The following HTN1 variants were observed in gnomAD, a reference collection of about 807,000 sequenced individuals.
The protein encoded by HTN1 is histatin-1.
In HTN1, 18 loss-of-function variants were observed where a neutral mutation model predicts 11.2. That is an observed-to-expected ratio of 1.61 (90% confidence interval 1.12 to 2.39). The LOEUF (loss-of-function observed/expected upper bound fraction) is 2.39, where lower values mean the gene tolerates loss of function less well. Ranked by LOEUF, HTN1 falls within the 30% of genes most tolerant of loss-of-function variation. HTN1 has a pLI of 0.00. For synonymous variants in HTN1, 21 were observed against 20.5 expected (o/e 1.02, Z -0.07); for missense variants, 80 against 67.2 (o/e 1.19, Z -0.67).
chr4:70,055,810 T>C, intron 5 of HTN1: 1 of 396,060 alleles, frequency 2.5e-6, no homozygotes, highest in South Asian at 3.2e-5. Context: ...CTGTATGTTG[T>C]TTTGGTACTG....
intron 2 of HTN1, among the ~76,000 whole-genome samples, chr4:70,053,875 C>T (rs548294988): frequency 9.2e-5 from 14 of 152,108 alleles, no homozygotes; most frequent in South Asian, 6.2e-4. Context: ...CAGTTTATCA[C>T]GTGATTTTAT....
At chr4:70,050,777 T>C (rs552047203) in intron 1 of HTN1, among the ~76,000 whole-genome samples, 1 of 152,148 alleles carries the variant, frequency 6.6e-6, no homozygotes, top group Non-Finnish European at 1.5e-5. Context: ...TTTACTTTCT[T>C]ATTTTACTTT....
At chr4:70,052,962 G>A in intron 1 of HTN1, 102 bp from the exon 2 acceptor site, 1 of 741,636 alleles carries the variant, frequency 1.3e-6, no homozygotes, top group Admixed American at 2.0e-5. Context: ...GGAAAACAGA[G>A]CATGTCTCCC....
In HTN1 at chr4:70,058,840, A is replaced by G. The variant is rs1161060508; in HGVS notation, c.*294A>G. The stretch of plus-strand genomic sequence containing the variant: ...TCTCCAAAAGCAATAAATTTCTAGC[A>G]CATTATTATGTGTATGCTCTTTATT... On this transcript the variant is annotated 3_prime_UTR_variant, in exon 6 of 6. Coordinates refer to ENST00000246896, the MANE Select transcript of HTN1 (RefSeq NM_002159.4). The G allele has an allele frequency of 6.6e-6, 1 of 152,224 alleles. No homozygotes were observed. The highest frequency in any genetic ancestry group is 1.9e-4 in the East Asian group (1 of 5,202). The allele number at this position is 152,224 out of a possible 1,614,324, so 9.4% of individuals were successfully genotyped here. A position where few individuals can be genotyped will look rare whatever the true frequency, so the allele number is the denominator to read the frequency against.
chr4:70,054,431 G>A lies in HTN1; in HGVS notation c.83G>A (p.Gly28Glu), dbSNP rs772229278. 4.0e-6 allele frequency: 6 copies of A among 1,517,018 alleles called. No individual in the cohort carries two copies. The highest frequency in any genetic ancestry group is 5.4e-6 in the Non-Finnish European group (6 of 1,103,108). The allele number at this position is 1,517,018 out of a possible 1,614,324, so 94.0% of individuals were successfully genotyped here. The change falls in exon 4 of 6, where the codon GGG becomes GAG. Residue 28 changes from glycine to glutamate, a missense_variant. Gly to Glu is a moderately conservative substitution (Grantham distance 98). Coordinates refer to ENST00000246896, the MANE Select transcript of HTN1 (RefSeq NM_002159.4). ...CTTTTTATTTCATAGAGACATCATG[G>A]GTATAGAAGAAAATTCCATGTAAGT... ...SADSHEKRHH[G>E]YRRKFHEKHH...
At chr4:70,050,881 G>T (rs929928840) in intron 1 of HTN1, among the ~76,000 whole-genome samples, 1 of 152,120 alleles carries the variant, frequency 6.6e-6, no homozygotes, top group Non-Finnish European at 1.5e-5. Context: ...CATCATCTAG[G>T]TTTTAAGCCC....
chr4:70,058,081 G>T (rs993037367), intron 5 of HTN1: 3 of 152,066 alleles, frequency 2.0e-5, no homozygotes, highest in African/African-American at 7.2e-5. Flanking sequence ...GCAATATTTT[G>T]GAGATAACAG....
chr4:70,053,440 C>T (rs1304225550), intron 2 of HTN1, among the ~76,000 whole-genome samples: 2 of 152,056 alleles, frequency 1.3e-5, no homozygotes, highest in Non-Finnish European at 2.9e-5. Context: ...AAGCTCTAGA[C>T]CATCTGAAGT....
At chr4:70,052,371 G>A (rs1255565320) in intron 1 of HTN1, among the ~76,000 whole-genome samples, 1 of 152,066 alleles carries the variant, frequency 6.6e-6, no homozygotes, top group African/African-American at 2.4e-5. Flanking sequence ...CATTCTTAAT[G>A]TCATTATATA....
chr4:70,055,491 T>C lies in HTN1; in HGVS notation c.103-7T>C. 1 of 1,575,572 alleles carries C rather than the reference T, an allele frequency of 6.3e-7. No homozygotes were observed. Among genetic ancestry groups the C allele is most frequent in the East Asian group, 2.2e-5 (1 of 44,518 alleles). ...GCAATTTGCTCTCTCCTTTTGTGTG[T>C]ATGCAGGAAAAGCATCATTCACATC... On this transcript the variant is annotated splice_region_variant and splice_polypyrimidine_tract_variant and intron_variant, in intron 4 of 5. Transcript: ENST00000246896.
rs576713332 is a variant in HTN1, at chr4:70,058,587, T to C, written c.*41T>C. Reference sequence around the variant, plus strand: ...TTTTCTTTTTCTTCACAGGTTTGACTGGCAAATTCACTTTTTACTCATTTA... The same window carrying C: ...TTTTCTTTTTCTTCACAGGTTTGACCGGCAAATTCACTTTTTACTCATTTA... On this transcript the variant is annotated 3_prime_UTR_variant, in exon 6 of 6. Transcript: ENST00000246896. 2.0e-5 allele frequency: 3 copies of C among 152,270 alleles called. No homozygotes were observed. The South Asian group carries it at 6.2e-4, about 32-fold the overall frequency. 9.4% of individuals were successfully genotyped at this position (152,270 alleles called of 1,614,324 possible). A position where few individuals can be genotyped will look rare whatever the true frequency, so the allele number is the denominator to read the frequency against.
intron 5 of HTN1, chr4:70,057,490 A>G (rs1238209035): frequency 1.3e-5 from 2 of 152,194 alleles, no homozygotes; most frequent in African/African-American, 2.4e-5. Context: ...TATGTATTCT[A>G]GAACTTAAAG....
rs1726108303 is a variant in HTN1, at chr4:70,058,815, TC to T, written c.*270del. 1 of 152,190 alleles carries T rather than the reference TC, an allele frequency of 6.6e-6. No homozygotes were observed. The highest frequency in any genetic ancestry group is 1.9e-4 in the East Asian group (1 of 5,198). The allele number at this position is 152,190 out of a possible 1,614,324, so 9.4% of individuals were successfully genotyped here. A position where few individuals can be genotyped will look rare whatever the true frequency, so the allele number is the denominator to read the frequency against. On this transcript the variant is annotated 3_prime_UTR_variant, in exon 6 of 6. Coordinates refer to ENST00000246896, the MANE Select transcript of HTN1 (RefSeq NM_002159.4). Reference sequence around the variant, plus strand: ...TTTCTGAGTAATAGAAATTCATTCCTCTCCAAAAGCAATAAATTTCTAGCAC... The same window carrying T: ...TTTCTGAGTAATAGAAATTCATTCCTTCCAAAAGCAATAAATTTCTAGCAC...
intron 1 of HTN1, among the ~76,000 whole-genome samples, chr4:70,051,146 T>A (rs1725881476): frequency 6.6e-6 from 1 of 152,206 alleles, no homozygotes; most frequent in Non-Finnish European, 1.5e-5. Context: ...AACCAGGAGT[T>A]CAAATTTTAC....
Position 70,055,493 on chromosome 4 carries a change from TG to T in HTN1, c.103-4del, listed in dbSNP as rs1160876802. The T allele has an allele frequency of 6.3e-7, 1 of 1,580,896 alleles. No individual in the cohort carries two copies. The highest frequency in any genetic ancestry group is 8.7e-7 in the Non-Finnish European group (1 of 1,150,732). The stretch of plus-strand genomic sequence containing the variant: ...AATTTGCTCTCTCCTTTTGTGTGTA[TG>T]CAGGAAAAGCATCATTCACATCGAG... On this transcript the variant is annotated splice_polypyrimidine_tract_variant and splice_region_variant and intron_variant, in intron 4 of 5. Transcript: ENST00000246896.
chr4:70,050,625 CTAAA>C (rs1405255312), intron 1 of HTN1, 130 bp downstream of exon 1: 2 of 151,890 alleles, frequency 1.3e-5, no homozygotes, highest in Non-Finnish European at 2.9e-5. Context: ...GCGTATTTGC[CTAAA>C]TAAATAATTT....
intron 1 of HTN1, chr4:70,052,734 A>G (rs1725924332): frequency 1.0e-5 from 2 of 195,962 alleles, no homozygotes; most frequent in South Asian, 1.2e-4. Context: ...GAAGATTCCT[A>G]GAGCCCAGGA....
intron 2 of HTN1, among the ~76,000 whole-genome samples, chr4:70,053,430 A>C: frequency 6.6e-6 from 1 of 152,178 alleles, no homozygotes; most frequent in Admixed American, 6.5e-5. Flanking sequence ...TAAATGTGAA[A>C]AGCTCTAGAC....
Position 70,055,622 on chromosome 4 carries a change from T to C in HTN1, c.*33+20T>C. ...ATAGAGGTAAGCTGACTCTAGTTGC[T>C]TGTCTTTCTAGAAGTGTCAACACTG... On this transcript the variant is annotated intron_variant, in intron 5 of 5. Coordinates refer to ENST00000246896, the MANE Select transcript of HTN1 (RefSeq NM_002159.4). 1 of 1,082,138 alleles carries C rather than the reference T, an allele frequency of 9.2e-7. No homozygotes were observed. Among genetic ancestry groups the C allele is most frequent in the Non-Finnish European group, 1.4e-6 (1 of 710,272 alleles). The allele number at this position is 1,082,138 out of a possible 1,614,324, so 67.0% of individuals were successfully genotyped here. A position where few individuals can be genotyped will look rare whatever the true frequency, so the allele number is the denominator to read the frequency against.
Sources: allele counts gnomAD v4.1 joint callset (sites outside exome capture counted in the v4.1 genomes callset), GRCh38; gene constraint gnomAD v4.1.1; transcripts MANE v1.5; gene names NCBI Gene and HGNC (gene_info 2026-07-23, HGNC 2026-07-21).